ZNF438: variants seen among roughly 807,000 people sequenced by gnomAD.
ZNF438 encodes zinc finger protein 438.
Under a neutral mutation model 38.0 loss-of-function variants are expected in ZNF438, and 25 were observed. That is an observed-to-expected ratio of 0.66 (90% confidence interval 0.48 to 0.92). The LOEUF (loss-of-function observed/expected upper bound fraction) is 0.92. Among genes scored for constraint, ZNF438 ranks in the 40% least tolerant of loss-of-function variants. The probability of loss-of-function intolerance (pLI) is 0.00; values close to 1 mark genes in which losing one functional copy is unlikely to be tolerated. For missense variants in ZNF438, 1,007 were observed against 999.6 expected (o/e 1.01, Z -0.10); for synonymous variants, 372 against 364.1 (o/e 1.02, Z -0.25).
At chr10:30,999,194 A>G (rs2054392668) in intron 1 of ZNF438, 1 of 152,240 alleles carries the variant, frequency 6.6e-6, no homozygotes, top group Non-Finnish European at 1.5e-5. Flanking sequence ...TGTCATTACT[A>G]GGCCAGTCCA....
intron 1 of ZNF438, among the ~76,000 whole-genome samples, chr10:30,973,169 G>A (rs373868553): frequency 2.0e-5 from 3 of 152,156 alleles, no homozygotes; most frequent in African/African-American, 7.2e-5. Context: ...GCACCTTGAG[G>A]CTGCCTCACT....
rs531703762 is a variant in ZNF438, at chr10:30,949,627, A to C, written c.-191-7976T>G. 2.6e-3 allele frequency among the ~76,000 whole-genome samples: 395 copies of C among 152,352 alleles called. 1 individual carries two copies. Among genetic ancestry groups the C allele is most frequent in the African/African-American group, 9.3e-3 (387 of 41,572 alleles). ...TAGTCTCTGATAAAACAGACTTTAAACCAACAAAGATCAAAAGAGACAAGG... is the reference window on the plus strand; with the variant it reads ...TAGTCTCTGATAAAACAGACTTTAACCCAACAAAGATCAAAAGAGACAAGG... On this transcript the variant is annotated intron_variant, in intron 1 of 5. Transcript: ENST00000413025.
At chr10:30,965,047 A>G (rs984648620) in intron 1 of ZNF438, among the ~76,000 whole-genome samples, 1 of 152,194 alleles carries the variant, frequency 6.6e-6, no homozygotes, top group Non-Finnish European at 1.5e-5. Context: ...TATGCATCCA[A>G]CAAAGGTCTA....
intron 1 of ZNF438, among the ~76,000 whole-genome samples, chr10:30,989,535 C>T (rs1185673098): frequency 1.3e-5 from 2 of 152,260 alleles, no homozygotes; most frequent in East Asian, 3.9e-4. Context: ...TCTTTGTATC[C>T]CCTTTCTAGC....
chr10:30,849,359 G>C, exon 5 of ZNF438: 1 of 1,614,242 alleles, frequency 6.2e-7, no homozygotes, highest in Non-Finnish European at 8.5e-7. Context: ...TGACACTTGT[G>C]GAACAGGTAG....
At chr10:30,851,075 A>G (rs984080318) in intron 4 of ZNF438, among the ~76,000 whole-genome samples, 1 of 152,262 alleles carries the variant, frequency 6.6e-6, no homozygotes, top group African/African-American at 2.4e-5. Context: ...AATCACCAGT[A>G]TTAAAAAAGC....
At chr10:30,845,648 C>T (rs1168044110) in intron 5 of ZNF438, 75 bp from the exon 7 acceptor site, 11 of 1,517,122 alleles carry the variant, frequency 7.3e-6, no homozygotes, top group Non-Finnish European at 9.7e-6. Context: ...CAGCTGTCAG[C>T]CTTCAGGGAT....
intron 4 of ZNF438, among the ~76,000 whole-genome samples, chr10:30,861,791 GTTGT>G (rs2035625302): frequency 2.0e-5 from 3 of 152,140 alleles, no homozygotes; most frequent in Admixed American, 1.3e-4. Context: ...GAAAGATAAA[GTTGT>G]TTATTTTTTG....
intron 1 of ZNF438, among the ~76,000 whole-genome samples, chr10:30,981,328 C>A (rs939307015): frequency 6.6e-6 from 1 of 152,138 alleles, no homozygotes; most frequent in Non-Finnish European, 1.5e-5. Flanking sequence ...GATATTCTTA[C>A]CTAGAAAAGC....
At chr10:31,032,357 C>T (rs2057342099), upstream of ZNF438, among the ~76,000 whole-genome samples, 1 of 152,148 alleles carries the variant, frequency 6.6e-6, no homozygotes, top group South Asian at 2.1e-4. Flanking sequence ...AGACAGCTCT[C>T]CCAGGGTCCC....
At chr10:30,976,116 T>C (rs2051314912) in intron 1 of ZNF438, among the ~76,000 whole-genome samples, 1 of 151,800 alleles carries the variant, frequency 6.6e-6, no homozygotes, top group African/African-American at 2.4e-5. Context: ...AAGTTAAAAA[T>C]GAAAACCAAA....
chr10:30,875,544 T>C (rs1365090921), intron 4 of ZNF438: 2 of 985,496 alleles, frequency 2.0e-6, no homozygotes, highest in East Asian at 1.1e-4. Flanking sequence ...GCTAGGACAC[T>C]GAATTTCAAA....
At chr10:30,897,067 T>C (rs2041443485) in intron 3 of ZNF438, among the ~76,000 whole-genome samples, 1 of 152,254 alleles carries the variant, frequency 6.6e-6, no homozygotes, top group Non-Finnish European at 1.5e-5. Context: ...ATATTCATAC[T>C]AGACATACAT....
At chr10:31,007,778 GAACACACTTAATAGCACTGAA>G (rs2055301154) in intron 1 of ZNF438, among the ~76,000 whole-genome samples, 1 of 152,110 alleles carries the variant, frequency 6.6e-6, no homozygotes, top group Admixed American at 6.5e-5. Context: ...ATTAATAGTA[GAACACACTTAATAGCACTGAA>G]ACCAAATAGT....
At chr10:31,008,840 C>T (rs892729369) in intron 1 of ZNF438, among the ~76,000 whole-genome samples, 1 of 152,168 alleles carries the variant, frequency 6.6e-6, no homozygotes, top group Non-Finnish European at 1.5e-5. Flanking sequence ...TGAAGAACTG[C>T]CAAGCTATTT....
At position 30,932,529 on chromosome 10, in the gene ZNF438, A is replaced by T. The variant is rs73252630; in HGVS notation, c.-115+9046T>A. Among the ~76,000 whole-genome samples the T allele has an allele frequency of 1.9e-3, 288 of 152,304 alleles. 1 individual carries two copies. Among genetic ancestry groups the T allele is most frequent in the African/African-American group, 6.5e-3 (270 of 41,548 alleles). On this transcript the variant is annotated intron_variant, in intron 2 of 5. Transcript: ENST00000413025. ...ATTGTGCCACTATCCCATTGCATAG[A>T]TGAGAGCACTGAGGCAGTGGGTAAT...
At chr10:30,889,913 G>A (rs929223509) in intron 3 of ZNF438, among the ~76,000 whole-genome samples, 5 of 151,962 alleles carry the variant, frequency 3.3e-5, no homozygotes, top group Admixed American at 1.3e-4. Flanking sequence ...CTCATAGAAG[G>A]TTAGAGATAA....
At position 30,882,044 on chromosome 10, in the gene ZNF438, A is replaced by G. The variant is rs2039326375; in HGVS notation, c.-31-4979T>C. Among the ~76,000 whole-genome samples the G allele has an allele frequency of 4.6e-5, 7 of 152,174 alleles. No homozygotes were observed. In the South Asian group the frequency reaches 1.4e-3, roughly 31 times the overall value. On this transcript the variant is annotated intron_variant, in intron 3 of 5. Coordinates refer to ENST00000413025, the Ensembl canonical transcript of ZNF438. ...CATGGCATCTGAAACATAATCCATA[A>G]AATAACAAACTAATATGCTAAACTT...
chr10:30,874,509 A>AATATTAATATT lies in ZNF438; in HGVS notation c.37+2488_37+2489insAATATTAATAT, dbSNP rs1554825043. 3.9e-3 allele frequency among the ~76,000 whole-genome samples: 588 copies of AATATTAATATT among 152,022 alleles called. 7 individuals are homozygous for AATATTAATATT. The highest frequency in any genetic ancestry group is 0.013 in the African/African-American group (551 of 41,356). On this transcript the variant is annotated intron_variant, in intron 4 of 5. Coordinates refer to ENST00000413025, the Ensembl canonical transcript of ZNF438. Reference sequence around the variant, plus strand: ...TAATACATCTGATGCTTTTGTTAAAAAATATTAATATTAATCTAAGACATA... The same window carrying AATATTAATATT: ...TAATACATCTGATGCTTTTGTTAAAAATATTAATATTAATATTAATATTAATCTAAGACATA...
Sources: allele counts gnomAD v4.1 joint callset (sites outside exome capture counted in the v4.1 genomes callset), GRCh38; gene constraint gnomAD v4.1.1; transcripts MANE v1.5; gene names NCBI Gene and HGNC (gene_info 2026-07-23, HGNC 2026-07-21).